CPAMD8: variants seen among roughly 807,000 people sequenced by gnomAD.
CPAMD8 encodes the protein C3 and PZP-like alpha-2-macroglobulin domain-containing protein 8.
CPAMD8 carries 146 observed loss-of-function variants against 224.7 expected under a neutral mutation model. The ratio of observed to expected loss-of-function variants is 0.65; its 90% confidence interval spans 0.57 to 0.75. The LOEUF (loss-of-function observed/expected upper bound fraction) is 0.75. Among genes scored for constraint, CPAMD8 ranks in the 30% least tolerant of loss-of-function variants. The probability of loss-of-function intolerance (pLI) is 0.00; values close to 1 mark genes in which losing one functional copy is unlikely to be tolerated. For synonymous variants in CPAMD8, 966 were observed against 1,044.6 expected, an observed-to-expected ratio of 0.92 and a Z score of 1.45; for missense variants, 2,301 against 2,537.5, an observed-to-expected ratio of 0.91 and a Z score of 2.00.
At chr19:16,953,473 G>A (rs2054361994) in intron 19 of CPAMD8, among the ~76,000 whole-genome samples, 1 of 152,014 alleles carries the variant, frequency 6.6e-6, no homozygotes, top group Admixed American at 6.6e-5. Context: ...GCCAAGGAAG[G>A]AGGATCACTT....
At position 17,026,549 on chromosome 19, in the gene CPAMD8, A is replaced by G; in HGVS notation, c.92+2T>C. ...CCTCCTCTGTCGCCGGAGGATACTC[A>G]CGGGGCCTGAGGCTGCGCGGCGCGC... is the stretch of plus-strand genomic sequence containing the variant. On this transcript the variant is annotated splice_donor_variant, in intron 1 of 41. Coordinates refer to ENST00000443236, the MANE Select transcript of CPAMD8 (RefSeq NM_015692.5). LOFTEE classifies it high-confidence loss of function. 6.6e-7 allele frequency: 1 copy of G among 1,511,968 alleles called. No individual in the cohort carries two copies. The allele number at this position is 1,511,968 out of a possible 1,614,324, so 93.7% of individuals were successfully genotyped here.
At chr19:16,964,630 A>C (rs2054766014) in intron 18 of CPAMD8, among the ~76,000 whole-genome samples, 1 of 152,226 alleles carries the variant, frequency 6.6e-6, no homozygotes, top group South Asian at 2.1e-4. Flanking sequence ...AGCTGATACC[A>C]TTCCTTCTGA....
At chr19:17,011,847 G>A (rs2056663365) in intron 3 of CPAMD8, 90 bp from the exon 4 acceptor site, 2 of 1,431,336 alleles carry the variant, frequency 1.4e-6, no homozygotes, top group Non-Finnish European at 1.9e-6. Flanking sequence ...TGGAACAGGG[G>A]GAACTCACCC....
chr19:16,983,735 G>A (rs2055601944), intron 13 of CPAMD8, among the ~76,000 whole-genome samples: 1 of 152,168 alleles, frequency 6.6e-6, no homozygotes, highest in Admixed American at 6.5e-5. Context: ...AAAATCTGGA[G>A]TCTGGTTAAC....
In CPAMD8 at chr19:16,958,924, CG is replaced by C. The variant is rs570401153; in HGVS notation, c.2214-1010del. ...AAACGATTCTCCAGCCTCAGCCTCC[CG>C]AGTAGCTAGGATTACAGGCGCCTGC... On this transcript the variant is annotated intron_variant, in intron 18 of 41. Coordinates refer to ENST00000443236, the MANE Select transcript of CPAMD8 (RefSeq NM_015692.5). Among the ~76,000 whole-genome samples, 367 of 150,310 alleles carry C rather than the reference CG, an allele frequency of 2.4e-3. 3 individuals are homozygous for C. The highest frequency in any genetic ancestry group is 8.6e-3 in the African/African-American group (352 of 40,924).
At chr19:16,947,271 C>T in intron 20 of CPAMD8, 44 bp from the exon 21 acceptor site, 5 of 1,578,434 alleles carry the variant, frequency 3.2e-6, no homozygotes, top group Non-Finnish European at 4.3e-6. Flanking sequence ...AATCCAGACC[C>T]CCTCCCAGTG....
At chr19:16,904,144 C>T in intron 32 of CPAMD8, 82 bp downstream of exon 32, 3 of 1,439,868 alleles carry the variant, frequency 2.1e-6, no homozygotes, top group Non-Finnish European at 2.8e-6. Context: ...GACTGCCTGG[C>T]CACCTCAGAG....
At chr19:16,911,792 C>T (rs1285063996) in intron 29 of CPAMD8, among the ~76,000 whole-genome samples, 1 of 152,234 alleles carries the variant, frequency 6.6e-6, no homozygotes, top group African/African-American at 2.4e-5. Context: ...TGATCCACCG[C>T]CTCAGCCTCC....
At chr19:16,989,091 A>G (rs1248062089) in intron 13 of CPAMD8, among the ~76,000 whole-genome samples, 1 of 152,210 alleles carries the variant, frequency 6.6e-6, no homozygotes, top group Non-Finnish European at 1.5e-5. Context: ...CTGATTCTAC[A>G]TGATGGTGAG....
chr19:16,896,427 C>T (rs889891730), intron 40 of CPAMD8, 29 bp downstream of exon 40: 11 of 1,471,342 alleles, frequency 7.5e-6, no homozygotes, highest in Non-Finnish European at 9.9e-6. Flanking sequence ...ATGGTGTCCC[C>T]GAGGCTAGGC....
intron 23 of CPAMD8, among the ~76,000 whole-genome samples, chr19:16,934,625 G>A (rs776906019): frequency 2.0e-5 from 3 of 152,096 alleles, no homozygotes; most frequent in Non-Finnish European, 4.4e-5. Flanking sequence ...TACATAGTGC[G>A]TGAAGTAACA....
rs777016659 is a variant in CPAMD8 at position 16,980,673 on chromosome 19, GCTT to G, written c.1406_1408del (p.Glu469del). 1.9e-4 allele frequency: 298 copies of G among 1,548,736 alleles called. No homozygotes were observed. Among genetic ancestry groups the G allele is most frequent in the Non-Finnish European group, 2.5e-4 (286 of 1,148,436 alleles). On this transcript the variant is annotated inframe_deletion, in exon 14 of 42. Transcript: ENST00000443236. ...ACATGTGGACTTCACAGAAAAATAGGCTTCTTCCCCAACCTATGGAAGACACGC... is the reference window on the plus strand; with the variant it reads ...ACATGTGGACTTCACAGAAAAATAGGCTTCCCCAACCTATGGAAGACACGC...
Position 17,023,437 on chromosome 19 carries a change from A to C in CPAMD8, c.93-1256T>G, listed in dbSNP as rs925753493. On this transcript the variant is annotated intron_variant, in intron 1 of 41. Transcript: ENST00000443236. ...TTACAGTGTCCCCACAATCACCAAGAGCATTATAGCAAAGGCACCACAATT... is the reference window on the plus strand; with the variant it reads ...TTACAGTGTCCCCACAATCACCAAGCGCATTATAGCAAAGGCACCACAATT... 2.0e-5 allele frequency among the ~76,000 whole-genome samples: 3 copies of C among 152,136 alleles called. No homozygotes were observed. The East Asian group carries it at 5.8e-4, about 29-fold the overall frequency.
At chr19:17,011,143 C>T (rs754109609) in intron 5 of CPAMD8, among the ~76,000 whole-genome samples, 87 of 151,982 alleles carry the variant, frequency 5.7e-4, no homozygotes, top group Non-Finnish European at 9.6e-4. Context: ...TGTAGTGAGC[C>T]GAGATAGTGC....
In CPAMD8 at chr19:17,002,230, C is replaced by T. The variant is rs548844259; in HGVS notation, c.758+36G>A. ...CGTGATGGTTGGGGAAGGGGAAGGGCCCCCCCAGTGTGCCCCAGGGGTCCC... is the reference window on the plus strand; with the variant it reads ...CGTGATGGTTGGGGAAGGGGAAGGGTCCCCCCAGTGTGCCCCAGGGGTCCC... On this transcript the variant is annotated intron_variant, in intron 9 of 41. Transcript: ENST00000443236. The T allele has an allele frequency of 2.2e-4, 301 of 1,347,920 alleles. 6 individuals carry two copies. The South Asian group carries it at 3.6e-3, about 16-fold the overall frequency. The allele number at this position is 1,347,920 out of a possible 1,614,324, so 83.5% of individuals were successfully genotyped here. A position where few individuals can be genotyped will look rare whatever the true frequency, so the allele number is the denominator to read the frequency against.
chr19:16,970,950 G>T lies in CPAMD8; in HGVS notation c.2154C>A (p.Pro718=). The part of the protein sequence containing the change: ...DGGLYTDEAV[P]AFQPHTGSLV... The stretch of plus-strand genomic sequence containing the variant: ...GGCTCCCTGTGTGGGGCTGGAAAGC[G>T]GGGACAGCCTCATCGGTGTAGAGGC... The change falls in exon 18 of 42, where the codon CCC becomes CCA. Residue 718 remains proline, a synonymous_variant. Coordinates refer to ENST00000443236, the MANE Select transcript of CPAMD8 (RefSeq NM_015692.5). 2 of 1,613,878 alleles carry T rather than the reference G, an allele frequency of 1.2e-6. No homozygotes were observed. The highest frequency in any genetic ancestry group is 8.5e-7 in the Non-Finnish European group (1 of 1,179,864).
chr19:16,922,245 C>T (rs2053203393), intron 26 of CPAMD8, among the ~76,000 whole-genome samples: 7 of 152,002 alleles, frequency 4.6e-5, no homozygotes, highest in Admixed American at 3.3e-4. Context: ...CCTAAAACTG[C>T]TCCACACCAC....
intron 3 of CPAMD8, among the ~76,000 whole-genome samples, chr19:17,013,839 A>G (rs933050413): frequency 1.3e-5 from 2 of 151,660 alleles, no homozygotes; most frequent in Admixed American, 6.6e-5. Context: ...GATGGGAGAA[A>G]AAAAAAAACC....
rs2052137472 is a variant in CPAMD8 at position 16,898,794 on chromosome 19, C to T, written c.4848+681G>A. ...TGGATCAATGCTTCGCTCCTTCCTA[C>T]AGATGGATAATATCCACTGCGGCCC... On this transcript the variant is annotated intron_variant, in intron 37 of 41. Transcript: ENST00000443236. The surrounding 1 kb of genome is among the most constrained non-coding windows in gnomAD (Gnocchi z 4.2). Among the ~76,000 whole-genome samples, 1 of 152,326 alleles carries T rather than the reference C, an allele frequency of 6.6e-6. No homozygotes were observed. The highest frequency in any genetic ancestry group is 1.9e-4 in the East Asian group (1 of 5,190).
Sources: allele counts gnomAD v4.1 joint callset (sites outside exome capture counted in the v4.1 genomes callset), GRCh38; gene constraint gnomAD v4.1.1; non-coding constraint Gnocchi (gnomAD v3.1); transcripts MANE v1.5; gene names NCBI Gene and HGNC (gene_info 2026-07-23, HGNC 2026-07-21).